UQCRH: variants seen among roughly 807,000 people sequenced by gnomAD.
The protein encoded by UQCRH is ubiquinol-cytochrome c reductase hinge protein.
A neutral mutation model predicts 16.3 loss-of-function variants in UQCRH; 14 were observed. That is an observed-to-expected ratio of 0.86 (90% CI 0.57 to 1.34). UQCRH has a LOEUF of 1.34. Ranked by LOEUF, UQCRH falls within the 40% of genes most tolerant of loss-of-function variation. UQCRH has a pLI of 0.00. For missense variants in UQCRH, 89 were observed against 111.9 expected (o/e 0.80, Z 0.92); for synonymous variants, 41 against 41.9 (o/e 0.98, Z 0.08).
chr1:46,314,461 C>T (rs529003497), intron 3 of UQCRH, among the ~76,000 whole-genome samples: 8 of 151,704 alleles, frequency 5.3e-5, no homozygotes, highest in African/African-American at 1.5e-4. Context: ...ACCTGCTGTC[C>T]GGAGTTCGAG....
At chr1:46,311,600 C>CTT (rs113885743) in intron 3 of UQCRH, among the ~76,000 whole-genome samples, 1 of 144,086 alleles carries the variant, frequency 6.9e-6, no homozygotes, top group African/African-American at 2.5e-5. Context: ...CAAAAGGTTG[C>CTT]TTTTTTTTTT....
intron 2 of UQCRH, 143 bp from the exon 3 acceptor site, chr1:46,310,012 G>T (rs1661438412): frequency 4.7e-6 from 7 of 1,504,748 alleles, no homozygotes; most frequent in Non-Finnish European, 5.3e-6. Flanking sequence ...ATTTCTGGCG[G>T]CAGTGTGGCT....
chr1:46,313,337 T>C (rs930831156), intron 3 of UQCRH, among the ~76,000 whole-genome samples: 1 of 151,368 alleles, frequency 6.6e-6, no homozygotes, highest in African/African-American at 2.4e-5. Flanking sequence ...ACAAAAAATA[T>C]ATATATAAAA....
intron 2 of UQCRH, chr1:46,309,346 C>T: frequency 3.8e-6 from 2 of 521,080 alleles, no homozygotes; most frequent in Non-Finnish European, 6.7e-6. Flanking sequence ...TACCAGGGAG[C>T]AGATGGCATC....
chr1:46,310,836 G>C (rs906512130), intron 3 of UQCRH, among the ~76,000 whole-genome samples: 6 of 152,028 alleles, frequency 3.9e-5, no homozygotes, highest in Non-Finnish European at 7.4e-5. Flanking sequence ...GGGAGGCCGA[G>C]GCGGGTGGAT....
At chr1:46,304,709 T>G (rs1013458875) in intron 1 of UQCRH, among the ~76,000 whole-genome samples, 6 of 151,950 alleles carry the variant, frequency 3.9e-5, no homozygotes, top group African/African-American at 1.4e-4. Context: ...CTACACACTA[T>G]TCCTATGAAG....
intron 2 of UQCRH, chr1:46,309,714 A>T: frequency 3.7e-6 from 1 of 272,910 alleles, no homozygotes; most frequent in Non-Finnish European, 6.3e-6. Flanking sequence ...TTTGTTAGAT[A>T]GTCCTTCTCT....
rs542218669 is a variant in UQCRH at position 46,313,048 on chromosome 1, G to T, written c.243+2732G>T. 2.4e-4 allele frequency among the ~76,000 whole-genome samples: 37 copies of T among 152,184 alleles called. 1 individual carries two copies. The highest frequency in any genetic ancestry group is 6.5e-4 in the Admixed American group (10 of 15,290). ...GAAAACATCTGGCAGTTCCTCAAAAGGCTAAATATACAGTTAATATATGAC... is the reference window on the plus strand; with the variant it reads ...GAAAACATCTGGCAGTTCCTCAAAATGCTAAATATACAGTTAATATATGAC... On this transcript the variant is annotated intron_variant, in intron 3 of 3. Coordinates refer to ENST00000311672, the MANE Select transcript of UQCRH (RefSeq NM_006004.4).
At chr1:46,313,513 C>A (rs1402152614) in intron 3 of UQCRH, among the ~76,000 whole-genome samples, 2 of 152,112 alleles carry the variant, frequency 1.3e-5, no homozygotes, top group African/African-American at 4.8e-5. Flanking sequence ...CCTGTAGTCC[C>A]AGCTACTTGG....
At chr1:46,309,367 G>C (rs1278127791) in intron 2 of UQCRH, 7 of 493,124 alleles carry the variant, frequency 1.4e-5, no homozygotes, top group Non-Finnish European at 2.5e-5. Context: ...TTGAGGGCCT[G>C]GCACTCAATC....
intron 1 of UQCRH, among the ~76,000 whole-genome samples, chr1:46,306,055 G>C (rs1408248381): frequency 3.9e-5 from 6 of 152,116 alleles, no homozygotes; most frequent in Non-Finnish European, 7.4e-5. Context: ...GCCTCCCAAA[G>C]TGCTGGGATT....
intron 1 of UQCRH, 106 bp downstream of exon 1, chr1:46,303,926 G>T (rs539102767): frequency 1.2e-5 from 18 of 1,478,948 alleles, no homozygotes; most frequent in Non-Finnish European, 1.7e-5. Context: ...ACCCTCTAGG[G>T]TTTGCATAGT....
chr1:46,312,176 A>G (rs1244285842), intron 3 of UQCRH, among the ~76,000 whole-genome samples: 1 of 151,296 alleles, frequency 6.6e-6, no homozygotes, highest in African/African-American at 2.4e-5. Flanking sequence ...GCTCACTGCA[A>G]CCTCCACCTC....
At chr1:46,305,491 G>C (rs11582654) in intron 1 of UQCRH, among the ~76,000 whole-genome samples, 1 of 15,436 alleles carries the variant, frequency 6.5e-5, no homozygotes, top group South Asian at 2.7e-3. Context: ...CGGGTGGATC[G>C]GGAGGCCGAG....
chr1:46,304,865 T>C (rs1308159572), intron 1 of UQCRH, among the ~76,000 whole-genome samples: 6 of 152,206 alleles, frequency 3.9e-5, no homozygotes, highest in Non-Finnish European at 8.8e-5. Flanking sequence ...AGGACTCTTA[T>C]CAATTTTGCG....
chr1:46,313,118 A>T (rs1290753889), intron 3 of UQCRH, among the ~76,000 whole-genome samples: 1 of 152,192 alleles, frequency 6.6e-6, no homozygotes, highest in African/African-American at 2.4e-5. Context: ...AAATGAAAAC[A>T]TATGTTCACA....
chr1:46,310,719 A>G (rs1661454109), intron 3 of UQCRH, among the ~76,000 whole-genome samples: 1 of 152,072 alleles, frequency 6.6e-6, no homozygotes, highest in African/African-American at 2.4e-5. Context: ...CCTTCCTTCC[A>G]TCTCGGCCCT....
intron 3 of UQCRH, among the ~76,000 whole-genome samples, chr1:46,313,120 A>G (rs1661510380): frequency 6.6e-6 from 1 of 152,172 alleles, no homozygotes; most frequent in Admixed American, 6.5e-5. Context: ...ATGAAAACAT[A>G]TGTTCACATA....
At chr1:46,310,971 G>C (rs1240255917) in intron 3 of UQCRH, among the ~76,000 whole-genome samples, 2 of 151,756 alleles carry the variant, frequency 1.3e-5, no homozygotes, top group Non-Finnish European at 2.9e-5. Flanking sequence ...GGAGGCTGAG[G>C]CAGGAGAATG....
Sources: gnomAD v4.1 joint callset for allele counts (sites outside exome capture counted in the v4.1 genomes callset) on GRCh38, gnomAD v4.1.1 for gene constraint, MANE v1.5 for transcripts, NCBI Gene and HGNC (gene_info 2026-07-23, HGNC 2026-07-21) for gene names.